ZNF282: variants seen among roughly 807,000 people sequenced by gnomAD.
ZNF282 encodes the protein zinc finger protein 282.
A neutral mutation model predicts 61.9 loss-of-function variants in ZNF282; 30 were observed. That is an observed-to-expected ratio of 0.48 (90% CI 0.36 to 0.66). ZNF282 has a LOEUF of 0.66. Among genes scored for constraint, ZNF282 ranks in the 30% least tolerant of loss-of-function variants. The probability of loss-of-function intolerance (pLI) is 0.00; values close to 1 mark genes in which losing one functional copy is unlikely to be tolerated. For synonymous variants in ZNF282, 396 were observed against 405.0 expected, an observed-to-expected ratio of 0.98 and a Z score of 0.27; for missense variants, 788 against 941.4, an observed-to-expected ratio of 0.84 and a Z score of 2.13.
chr7:149,223,789 G>T, intron 7 of ZNF282, 23 bp from the exon 8 acceptor site: 1 of 1,480,306 alleles, frequency 6.8e-7, no homozygotes, highest in Non-Finnish European at 8.9e-7. Context: ...CTGTCAGCAT[G>T]TCACTTCTTC....
rs1464700024 is a variant in ZNF282 at position 149,226,003 on chromosome 7, G to C, written c.*1356G>C. The C allele has an allele frequency of 6.6e-6, 1 of 152,660 alleles. No individual in the cohort carries two copies. The highest frequency in any genetic ancestry group is 6.5e-5 in the Admixed American group (1 of 15,286). 9.5% of individuals were successfully genotyped at this position (152,660 alleles called of 1,614,324 possible). On this transcript the variant is annotated 3_prime_UTR_variant, in exon 8 of 8. Transcript: ENST00000610704. ...ATGACTTTCCCTGCCCTTGCCGTGG[G>C]TCCGGCGTTCCTCCCAGCCGGGATC...
At position 149,224,707 on chromosome 7, in the gene ZNF282, C is replaced by G. The variant is rs1796336951; in HGVS notation, c.*60C>G. The G allele has an allele frequency of 3.5e-6, 5 of 1,443,158 alleles. No homozygotes were observed. Among genetic ancestry groups the G allele is most frequent in the Non-Finnish European group, 4.5e-6 (5 of 1,102,912 alleles). 89.4% of individuals were successfully genotyped at this position (1,443,158 alleles called of 1,614,324 possible). ...GGATCGGGGGCGGCCTGAGCACCAA[C>G]CACCTTGCCGGGTGTCCTCAGCCAC... On this transcript the variant is annotated 3_prime_UTR_variant, in exon 8 of 8. Coordinates refer to ENST00000610704, the MANE Select transcript of ZNF282 (RefSeq NM_003575.4).
chr7:149,224,847 C>A lies in ZNF282; in HGVS notation c.*200C>A. 9.7e-7 allele frequency: 1 copy of A among 1,033,186 alleles called. No individual in the cohort carries two copies. Among genetic ancestry groups the A allele is most frequent in the Non-Finnish European group, 1.3e-6 (1 of 741,738 alleles). The allele number at this position is 1,033,186 out of a possible 1,614,324, so 64.0% of individuals were successfully genotyped here. On this transcript the variant is annotated 3_prime_UTR_variant, in exon 8 of 8. Transcript: ENST00000610704. ...ACGCCCAGCTCATCTAGGGTGGACC[C>A]AGCTGCTGGGGAAGAGCCAGGGGGA...
chr7:149,195,829 GCGCCGTCCTCCGGT>G, intron 1 of ZNF282, 75 bp downstream of exon 1: 5 of 1,229,802 alleles, frequency 4.1e-6, no homozygotes, highest in Non-Finnish European at 5.1e-6. Context: ...GGACCGGGCC[GCGCCGTCCTCCGGT>G]AGCCTTGCGG....
chr7:149,199,885 A>T (rs1230349255), intron 2 of ZNF282, among the ~76,000 whole-genome samples: 1 of 150,496 alleles, frequency 6.6e-6, no homozygotes. Flanking sequence ...AAAGGTAAAG[A>T]CTCTTTTTTT....
At chr7:149,204,686 A>G in intron 2 of ZNF282, among the ~76,000 whole-genome samples, 1 of 152,174 alleles carries the variant, frequency 6.6e-6, no homozygotes, top group East Asian at 1.9e-4. Context: ...GGGAGAATGA[A>G]ACGTTTGAAA....
At position 149,225,784 on chromosome 7, in the gene ZNF282, G is replaced by C. The variant is rs1027640099; in HGVS notation, c.*1137G>C. On this transcript the variant is annotated 3_prime_UTR_variant, in exon 8 of 8. Transcript: ENST00000610704. ...TGTTACTGCCCGTGCTCACGGACAT[G>C]GATACAGACCCTGCTGTGCTCCACA... The C allele has an allele frequency of 6.5e-6, 1 of 152,748 alleles. No individual in the cohort carries two copies. Among genetic ancestry groups the C allele is most frequent in the Non-Finnish European group, 1.5e-5 (1 of 68,114 alleles). 9.5% of individuals were successfully genotyped at this position (152,748 alleles called of 1,614,324 possible). A position where few individuals can be genotyped will look rare whatever the true frequency, so the allele number is the denominator to read the frequency against.
At chr7:149,223,589 C>A (rs1289267926) in intron 7 of ZNF282, among the ~76,000 whole-genome samples, 1 of 152,236 alleles carries the variant, frequency 6.6e-6, no homozygotes, top group African/African-American at 2.4e-5. Flanking sequence ...GACTTCCTGT[C>A]CTTGCTGCGT....
At chr7:149,206,570 G>A in intron 2 of ZNF282, 126 bp from the exon 3 acceptor site, 2 of 1,406,572 alleles carry the variant, frequency 1.4e-6, no homozygotes, top group South Asian at 2.6e-5. Flanking sequence ...GGACAGTGGG[G>A]ACTGGGGAGC....
chr7:149,199,623 C>T (rs114295133), intron 2 of ZNF282, among the ~76,000 whole-genome samples: 231 of 152,242 alleles, frequency 1.5e-3, no homozygotes, highest in African/African-American at 5.1e-3. Flanking sequence ...TACTTGTTGT[C>T]TCCAATTCTT....
chr7:149,214,525 C>T (rs1039536795), intron 7 of ZNF282, among the ~76,000 whole-genome samples: 3 of 152,050 alleles, frequency 2.0e-5, no homozygotes, highest in Admixed American at 6.6e-5. Context: ...GCAGGTGGCT[C>T]ACATGCTGGA....
chr7:149,219,303 A>G (rs1796203013), intron 7 of ZNF282, among the ~76,000 whole-genome samples: 1 of 152,240 alleles, frequency 6.6e-6, no homozygotes. Context: ...GACAAAGGCC[A>G]GTCAAGTTAT....
Position 149,224,083 on chromosome 7 carries a change from C to A in ZNF282, c.1452C>A (p.Gly484=). The A allele has an allele frequency of 3.2e-6, 4 of 1,245,828 alleles. No homozygotes were observed. 77.2% of individuals were successfully genotyped at this position (1,245,828 alleles called of 1,614,324 possible). The change falls in exon 8 of 8, where the codon GGC becomes GGA. Residue 484 remains glycine (G), a synonymous_variant. Coordinates refer to ENST00000610704, the MANE Select transcript of ZNF282 (RefSeq NM_003575.4). Reference sequence around the variant, plus strand: ...GGGGCGATGGGGGCGGTGGGGGCGGCGGCGCGGAGGCGGGGACGGGGGCAG... The same window carrying A: ...GGGGCGATGGGGGCGGTGGGGGCGGAGGCGCGGAGGCGGGGACGGGGGCAG... The part of the protein sequence containing the change: ...GGGGDGGGGG[G]GAEAGTGAGG...
chr7:149,197,670 G>A (rs183570853), intron 1 of ZNF282, among the ~76,000 whole-genome samples: 30 of 152,256 alleles, frequency 2.0e-4, no homozygotes, highest in African/African-American at 6.3e-4. Context: ...ACAGGGTTTC[G>A]CCATGTTGGC....
chr7:149,212,269 T>C (rs1796096419), intron 5 of ZNF282, 89 bp from the exon 6 acceptor site: 1 of 823,182 alleles, frequency 1.2e-6, no homozygotes, highest in South Asian at 1.8e-5. Flanking sequence ...AAGAGATAAT[T>C]GCATGAAATC....
intron 4 of ZNF282, among the ~76,000 whole-genome samples, chr7:149,208,151 A>G (rs1796027959): frequency 6.6e-6 from 1 of 152,082 alleles, no homozygotes; most frequent in Non-Finnish European, 1.5e-5. Context: ...TCATTGGAGG[A>G]ACTTTTGCCT....
chr7:149,215,195 A>ATTTTTT (rs36096302), intron 7 of ZNF282, among the ~76,000 whole-genome samples: 9 of 90,694 alleles, frequency 9.9e-5, no homozygotes, highest in Admixed American at 3.0e-4. Flanking sequence ...ATTTCCTGAC[A>ATTTTTT]TTTTTTTTTT....
At chr7:149,196,535 A>C (rs1427671177) in intron 1 of ZNF282, among the ~76,000 whole-genome samples, 1 of 152,096 alleles carries the variant, frequency 6.6e-6, no homozygotes, top group Non-Finnish European at 1.5e-5. Flanking sequence ...TGCCCAGGGA[A>C]GACTCTCTGG....
At chr7:149,202,593 T>C (rs1293551721) in intron 2 of ZNF282, among the ~76,000 whole-genome samples, 1 of 151,730 alleles carries the variant, frequency 6.6e-6, no homozygotes, top group Non-Finnish European at 1.5e-5. Context: ...GGATTACAGG[T>C]GTGAGCCACC....
Sources: gnomAD v4.1 joint callset for allele counts (sites outside exome capture counted in the v4.1 genomes callset) on GRCh38, gnomAD v4.1.1 for gene constraint, MANE v1.5 for transcripts, NCBI Gene and HGNC (gene_info 2026-07-23, HGNC 2026-07-21) for gene names.